The following AP2B1 variants were observed in gnomAD, a reference collection of about 807,000 sequenced individuals.
AP2B1 encodes adaptor related protein complex 2 subunit beta 1.
Under a neutral mutation model 102.0 loss-of-function variants are expected in AP2B1, and 23 were observed. The ratio of observed to expected loss-of-function variants is 0.23; its 90% CI spans 0.16 to 0.32. AP2B1 has a LOEUF of 0.32. Among genes scored for constraint, AP2B1 ranks in the 10% least tolerant of loss-of-function variants. The pLI, the probability that AP2B1 is intolerant of heterozygous loss-of-function variation, is 1.00. For missense variants in AP2B1, 541 were observed against 1,157.4 expected (o/e 0.47, Z 7.73); for synonymous variants, 381 against 421.2 (o/e 0.90, Z 1.17).
At chr17:35,703,331 A>G (rs2076277058) in intron 18 of AP2B1, among the ~76,000 whole-genome samples, 1 of 151,924 alleles carries the variant, frequency 6.6e-6, no homozygotes, top group Non-Finnish European at 1.5e-5. Context: ...ATTACTGGAT[A>G]TATACCCAAA....
At chr17:35,701,252 T>C (rs1404789642) in intron 18 of AP2B1, among the ~76,000 whole-genome samples, 1 of 152,222 alleles carries the variant, frequency 6.6e-6, no homozygotes, top group Non-Finnish European at 1.5e-5. Context: ...ATTTTTCATT[T>C]TATTTTTTTA....
At chr17:35,595,862 G>C (rs2073253583) in intron 2 of AP2B1, among the ~76,000 whole-genome samples, 1 of 151,826 alleles carries the variant, frequency 6.6e-6, no homozygotes, top group Non-Finnish European at 1.5e-5. Flanking sequence ...TTAGCATTTT[G>C]TGTGCTTTGA....
intron 17 of AP2B1, among the ~76,000 whole-genome samples, chr17:35,680,700 G>GTTTTTTTTTT (rs1176447688): frequency 7.8e-6 from 1 of 128,922 alleles, no homozygotes; most frequent in Non-Finnish European, 1.6e-5. Context: ...TTTTTTTTTT[G>GTTTTTTTTTT]TTTTTTTTTT....
intron 4 of AP2B1, among the ~76,000 whole-genome samples, chr17:35,606,221 AC>A (rs1336206436): frequency 6.6e-6 from 1 of 151,704 alleles, no homozygotes; most frequent in Non-Finnish European, 1.5e-5. Flanking sequence ...TTCATTTAAT[AC>A]GTCTTACATC....
At chr17:35,631,732 C>T (rs1280444135) in intron 9 of AP2B1, among the ~76,000 whole-genome samples, 1 of 152,096 alleles carries the variant, frequency 6.6e-6, no homozygotes, top group Non-Finnish European at 1.5e-5. Context: ...TACTCTTTTT[C>T]CAAATGGTGG....
At chr17:35,634,454 A>G (rs564602228) in intron 9 of AP2B1, among the ~76,000 whole-genome samples, 1 of 152,322 alleles carries the variant, frequency 6.6e-6, no homozygotes, top group African/African-American at 2.4e-5. Context: ...ACATTGTAAT[A>G]TATGATAGGC....
intron 2 of AP2B1, chr17:35,597,102 C>T (rs544377925): frequency 1.7e-5 from 9 of 531,932 alleles, no homozygotes; most frequent in Non-Finnish European, 2.7e-5. Context: ...GCCACTGAGG[C>T]AGCAGTAGCG....
chr17:35,618,808 A>G (rs2074094060), intron 5 of AP2B1, among the ~76,000 whole-genome samples: 1 of 152,204 alleles, frequency 6.6e-6, no homozygotes, highest in South Asian at 2.1e-4. Flanking sequence ...ATTATCCTCA[A>G]CTGCTGCATA....
intron 10 of AP2B1, among the ~76,000 whole-genome samples, chr17:35,638,594 C>G (rs534498987): frequency 5.3e-5 from 8 of 152,006 alleles, no homozygotes; most frequent in African/African-American, 1.9e-4. Flanking sequence ...GGAGACCATC[C>G]TGGCTAACAT....
chr17:35,649,665 T>C (rs574142951), intron 12 of AP2B1, among the ~76,000 whole-genome samples: 5 of 152,356 alleles, frequency 3.3e-5, no homozygotes, highest in African/African-American at 1.2e-4. Flanking sequence ...CTGTTTGAAT[T>C]TGAGTCTTAG....
At chr17:35,677,838 A>G (rs1279958502) in intron 17 of AP2B1, among the ~76,000 whole-genome samples, 2 of 149,222 alleles carry the variant, frequency 1.3e-5, no homozygotes, top group Non-Finnish European at 3.0e-5. Flanking sequence ...AGTATTTCAA[A>G]TTTTTGATGT....
chr17:35,700,611 G>C (rs1485456582), intron 18 of AP2B1, among the ~76,000 whole-genome samples: 1 of 152,092 alleles, frequency 6.6e-6, no homozygotes, highest in African/African-American at 2.4e-5. Flanking sequence ...TCATTTGCCA[G>C]AGTTCAGACT....
Position 35,657,602 on chromosome 17 carries a change from T to C in AP2B1, c.1800T>C (p.Thr600=). The change falls in exon 14 of 22, where the codon ACT becomes ACC. Residue 600 remains threonine (T), a synonymous_variant. Transcript: ENST00000610402. Reference sequence around the variant, plus strand: ...TTTTATGTGTATGTGACTTTAGCACTGATGCAGGTGACAGCCCTGTTGGCA... The same window carrying C: ...TTTTATGTGTATGTGACTTTAGCACCGATGCAGGTGACAGCCCTGTTGGCA... ...RKHLPIHHGS[T]DAGDSPVGTT... 6.2e-7 allele frequency: 1 copy of C among 1,612,656 alleles called. No individual in the cohort carries two copies. The highest frequency in any genetic ancestry group is 8.5e-7 in the Non-Finnish European group (1 of 1,179,028).
intron 1 of AP2B1, among the ~76,000 whole-genome samples, chr17:35,592,067 G>A (rs1289468541): frequency 3.9e-5 from 6 of 152,120 alleles, no homozygotes; most frequent in Non-Finnish European, 7.3e-5. Context: ...CAAGTAGCAC[G>A]TTTTAGAGAT....
intron 18 of AP2B1, among the ~76,000 whole-genome samples, chr17:35,700,586 G>T (rs56292300): frequency 0.11 from 16,020 of 152,110 alleles, 1,018 homozygotes; most frequent in Non-Finnish European, 0.15. Flanking sequence ...GTGGTGAGAG[G>T]TCGGGTAAGA....
intron 14 of AP2B1, chr17:35,659,780 C>T (rs912432937): frequency 2.9e-5 from 29 of 984,850 alleles, no homozygotes; most frequent in Non-Finnish European, 3.5e-5. Context: ...AAATTGTTTA[C>T]AGTGCAGTTT....
intron 20 of AP2B1, among the ~76,000 whole-genome samples, chr17:35,711,268 T>G (rs2143008473): frequency 6.6e-6 from 1 of 152,264 alleles, no homozygotes; most frequent in East Asian, 1.9e-4. Flanking sequence ...GCTTGGTCGG[T>G]ACCTCCTCTT....
chr17:35,685,710 T>C (rs906454793), intron 18 of AP2B1, among the ~76,000 whole-genome samples: 6 of 152,228 alleles, frequency 3.9e-5, no homozygotes, highest in African/African-American at 1.4e-4. Context: ...AAACTACTTA[T>C]TGGCTTATAG....
chr17:35,649,306 T>C lies in AP2B1; in HGVS notation c.1537-1224T>C, dbSNP rs144151362. ...TTTTTGGAACGGAGTTTTGCTCTTA[T>C]TGCCCAGGCGAGAGTGCAGTGAAAC... On this transcript the variant is annotated intron_variant, in intron 12 of 21. Transcript: ENST00000610402. Among the ~76,000 whole-genome samples the C allele has an allele frequency of 3.9e-3, 588 of 152,312 alleles. 1 individual carries two copies. Among genetic ancestry groups the C allele is most frequent in the African/African-American group, 0.013 (553 of 41,562 alleles).
Sources: allele counts gnomAD v4.1 joint callset (sites outside exome capture counted in the v4.1 genomes callset), GRCh38; gene constraint gnomAD v4.1.1; transcripts MANE v1.5; gene names NCBI Gene and HGNC (gene_info 2026-07-23, HGNC 2026-07-21).